DPP6: variants seen among roughly 807,000 people sequenced by gnomAD.
DPP6 encodes the protein A-type potassium channel modulatory protein DPP6.
Under a neutral mutation model 122.6 loss-of-function variants are expected in DPP6, and 69 were observed. That is an observed-to-expected ratio of 0.56 (90% CI 0.46 to 0.69). The LOEUF (loss-of-function observed/expected upper bound fraction) is 0.69. Among genes scored for constraint, DPP6 ranks in the 30% least tolerant of loss-of-function variants. The pLI is 0.00. For synonymous variants in DPP6, 418 were observed against 433.1 expected, an observed-to-expected ratio of 0.97 and a Z score of 0.43; for missense variants, 928 against 1,116.9, an observed-to-expected ratio of 0.83 and a Z score of 2.41.
chr7:154,146,840 CTGGGTGCACTTCCTCCCTGCTCCCG>C (rs1188238595), intron 1 of DPP6, among the ~76,000 whole-genome samples: 13 of 152,096 alleles, frequency 8.5e-5, no homozygotes, highest in African/African-American at 2.4e-4. Context: ...CCCTGCTCCC[CTGGGTGCACTTCCTCCCTGCTCCCG>C]TGGGTGCACT....
chr7:153,808,846 G>C, the DPP6 span, among the ~76,000 whole-genome samples: 1 of 152,130 alleles, frequency 6.6e-6, no homozygotes, highest in Admixed American at 6.5e-5. Context: ...AGTGCAGTGA[G>C]CATGGGAGTG....
At chr7:154,172,718 A>C (rs758765998) in intron 1 of DPP6, among the ~76,000 whole-genome samples, 11 of 149,976 alleles carry the variant, frequency 7.3e-5, no homozygotes, top group African/African-American at 2.5e-4. Flanking sequence ...CTCCCACTTC[A>C]GCCTCCCGAG....
chr7:153,928,591 T>G (rs901861844), intron 1 of DPP6, among the ~76,000 whole-genome samples: 4 of 151,636 alleles, frequency 2.6e-5, no homozygotes, highest in Admixed American at 2.0e-4. Flanking sequence ...TGTCTTCACA[T>G]GGTACAGGGG....
At chr7:153,820,035 C>T in the DPP6 span, among the ~76,000 whole-genome samples, 7 of 152,220 alleles carry the variant, frequency 4.6e-5, no homozygotes, top group Non-Finnish European at 7.4e-5. Flanking sequence ...GCTATAATCA[C>T]GTTACTTAGT....
rs75532361 is a variant in DPP6, at chr7:154,118,667, A to T, written c.243+65604A>T. Among the ~76,000 whole-genome samples the T allele has an allele frequency of 5.3e-4, 31 of 58,568 alleles. 2 individuals are homozygous for T. Among genetic ancestry groups the T allele is most frequent in the Admixed American group, 4.2e-3 (30 of 7,060 alleles). 38.4% of individuals were successfully genotyped at this position (58,568 alleles called of 152,430 possible). A position where few individuals can be genotyped will look rare whatever the true frequency, so the allele number is the denominator to read the frequency against. ...CCTGGCCTCCGCTGCCACTGCTCAT[A>T]CAAACCAAACGTGTACATCACGTAT... is the stretch of plus-strand genomic sequence containing the variant. On this transcript the variant is annotated intron_variant, in intron 1 of 25. Transcript: ENST00000377770.
rs1323528025 is a variant in DPP6 at position 154,454,878 on chromosome 7, G to C, written c.358+8550G>C. ...CCAGGGCCATCTCAGGGATCTGCTT[G>C]AGCGTTTATCCAAGGTCCAGGTGTT... On this transcript the variant is annotated intron_variant, in intron 2 of 25. Coordinates refer to ENST00000377770, the MANE Select transcript of DPP6 (RefSeq NM_130797.4). Among the ~76,000 whole-genome samples, 4 of 152,252 alleles carry C rather than the reference G, an allele frequency of 2.6e-5. No individual in the cohort carries two copies. The South Asian group carries it at 8.3e-4, about 32-fold the overall frequency.
chr7:154,124,342 CA>C (rs1807721819), intron 1 of DPP6, among the ~76,000 whole-genome samples: 1 of 151,956 alleles, frequency 6.6e-6, no homozygotes. Flanking sequence ...AGAGCGGGAG[CA>C]GGGGAGGAGG....
chr7:154,790,198 A>G (rs1797586137), intron 10 of DPP6, among the ~76,000 whole-genome samples: 1 of 152,208 alleles, frequency 6.6e-6, no homozygotes, highest in South Asian at 2.1e-4. Context: ...ACTCCGTCTA[A>G]AAAACATAAA....
chr7:154,529,553 TAAAA>T (rs1215909143), intron 3 of DPP6, among the ~76,000 whole-genome samples: 3 of 152,256 alleles, frequency 2.0e-5, no homozygotes, highest in African/African-American at 7.2e-5. Context: ...ATGCTCAAAA[TAAAA>T]GAAAGCTAAT....
Position 154,879,309 on chromosome 7 carries a change from G to A in DPP6, c.2079-1579G>A, listed in dbSNP as rs1255263422. Among the ~76,000 whole-genome samples the A allele has an allele frequency of 7.5e-5, 7 of 92,892 alleles. 2 individuals are homozygous for A. In the East Asian group the frequency reaches 4.5e-3, roughly 59 times the overall value. 60.9% of individuals were successfully genotyped at this position (92,892 alleles called of 152,430 possible). A position where few individuals can be genotyped will look rare whatever the true frequency, so the allele number is the denominator to read the frequency against. Reference sequence around the variant, plus strand: ...AAAAACACAAAAATCGGCCGGGCGCGGTGGCTCACGCCTGTAATCCCAGCA... The same window carrying A: ...AAAAACACAAAAATCGGCCGGGCGCAGTGGCTCACGCCTGTAATCCCAGCA... On this transcript the variant is annotated intron_variant, in intron 20 of 25. Transcript: ENST00000377770.
intron 1 of DPP6, chr7:154,093,015 C>CA (rs1389457456): frequency 6.6e-6 from 1 of 152,006 alleles, no homozygotes; most frequent in Non-Finnish European, 1.5e-5. Context: ...AGTACATGGG[C>CA]AGGTGAGGCA....
At chr7:154,563,824 G>A (rs1830576404) in intron 4 of DPP6, among the ~76,000 whole-genome samples, 1 of 152,120 alleles carries the variant, frequency 6.6e-6, no homozygotes, top group African/African-American at 2.4e-5. Context: ...GGCCAGACAA[G>A]CCTGAAGTTC....
chr7:154,728,324 T>C (rs776105441), intron 8 of DPP6, among the ~76,000 whole-genome samples: 2 of 152,214 alleles, frequency 1.3e-5, no homozygotes, highest in Non-Finnish European at 2.9e-5. Flanking sequence ...AAGAATGAGT[T>C]GCATCTTTCC....
chr7:154,093,405 AC>A, intron 1 of DPP6, among the ~76,000 whole-genome samples: 1 of 144,938 alleles, frequency 6.9e-6, no homozygotes, highest in Non-Finnish European at 1.5e-5. Context: ...CCTACATACC[AC>A]ATCCTACACA....
intron 1 of DPP6, among the ~76,000 whole-genome samples, chr7:154,014,178 C>T (rs981950406): frequency 2.7e-5 from 4 of 149,676 alleles, no homozygotes; most frequent in African/African-American, 5.0e-5. Context: ...TAAATTCTAC[C>T]GAAGTGATGA....
At chr7:154,602,027 G>T (rs1833426939) in intron 5 of DPP6, among the ~76,000 whole-genome samples, 1 of 121,064 alleles carries the variant, frequency 8.3e-6, no homozygotes, top group Admixed American at 9.3e-5. Context: ...AGTAATACTT[G>T]TTTCTTTATG....
At chr7:154,804,054 C>A in intron 14 of DPP6, 99 bp downstream of exon 14, 1 of 1,334,472 alleles carries the variant, frequency 7.5e-7, no homozygotes, top group Non-Finnish European at 1.0e-6. Context: ...GCACAGGAGG[C>A]CTCCTCTTTC....
chr7:153,995,989 C>T (rs1356107146), intron 1 of DPP6, among the ~76,000 whole-genome samples: 2 of 152,176 alleles, frequency 1.3e-5, no homozygotes, highest in Non-Finnish European at 2.9e-5. Context: ...GGTATCTGGG[C>T]AACATTCCGC....
chr7:153,764,300 C>G, the DPP6 span, among the ~76,000 whole-genome samples: 1 of 150,108 alleles, frequency 6.7e-6, no homozygotes, highest in Non-Finnish European at 1.5e-5. Flanking sequence ...TGGTATGTTC[C>G]TTGCTCCTCT....
Sources: gnomAD v4.1 joint callset for allele counts (sites outside exome capture counted in the v4.1 genomes callset) on GRCh38, gnomAD v4.1.1 for gene constraint, MANE v1.5 for transcripts, NCBI Gene and HGNC (gene_info 2026-07-23, HGNC 2026-07-21) for gene names.